PIK3C2G: variants seen among roughly 807,000 people sequenced by gnomAD.
PIK3C2G encodes the protein phosphatidylinositol 3-kinase C2 domain-containing subunit gamma.
PIK3C2G carries 168 observed loss-of-function variants against 181.1 expected under a neutral mutation model. The ratio of observed to expected loss-of-function variants is 0.93; its 90% CI spans 0.82 to 1.05. The LOEUF is 1.05. Among genes scored for constraint, PIK3C2G ranks in the 50% least tolerant of loss-of-function variants. The pLI is 0.00. For missense variants in PIK3C2G, 1,869 were observed against 1,732.8 expected (o/e 1.08, Z -1.40); for synonymous variants, 573 against 592.2 (o/e 0.97, Z 0.47).
chr12:18,513,619 T>G (rs1942349298), intron 24 of PIK3C2G, among the ~76,000 whole-genome samples: 1 of 151,832 alleles, frequency 6.6e-6, no homozygotes, highest in Non-Finnish European at 1.5e-5. Context: ...TCCTTTCTAT[T>G]ACAGTGGCAT....
At chr12:18,545,557 T>C (rs1183451877) in intron 25 of PIK3C2G, among the ~76,000 whole-genome samples, 1 of 151,852 alleles carries the variant, frequency 6.6e-6, no homozygotes, top group Non-Finnish European at 1.5e-5. Flanking sequence ...TCTATTATTT[T>C]CTTTAAAAAA....
intron 18 of PIK3C2G, among the ~76,000 whole-genome samples, chr12:18,484,206 A>G (rs1565436872): frequency 2.0e-5 from 3 of 152,186 alleles, no homozygotes; most frequent in Non-Finnish European, 2.9e-5. Flanking sequence ...TAGAGGTATA[A>G]TCTTCTACAA....
chr12:18,399,194 C>CAA lies in PIK3C2G; in HGVS notation c.2127-450_2127-449dup, dbSNP rs536592064. Among the ~76,000 whole-genome samples the CAA allele has an allele frequency of 5.6e-4, 45 of 80,442 alleles. 2 individuals carry two copies. Among genetic ancestry groups the CAA allele is most frequent in the East Asian group, 2.3e-3 (7 of 2,984 alleles). 52.8% of individuals were successfully genotyped at this position (80,442 alleles called of 152,430 possible). A position where few individuals can be genotyped will look rare whatever the true frequency, so the allele number is the denominator to read the frequency against. ...TGGGTGACAGAGCGAGACTCCGTCTCAAAAAAAAAAAAAAAATATGCCATT... is the reference window on the plus strand; with the variant it reads ...TGGGTGACAGAGCGAGACTCCGTCTCAAAAAAAAAAAAAAAAAATATGCCATT... On this transcript the variant is annotated intron_variant, in intron 15 of 32. Coordinates refer to ENST00000538779, the MANE Select transcript of PIK3C2G (RefSeq NM_001288772.2).
At chr12:18,568,984 C>T (rs944681342) in intron 29 of PIK3C2G, among the ~76,000 whole-genome samples, 7 of 152,060 alleles carry the variant, frequency 4.6e-5, no homozygotes, top group South Asian at 4.1e-4. Flanking sequence ...CATGTAACCA[C>T]GCAGTAGTTT....
intron 9 of PIK3C2G, among the ~76,000 whole-genome samples, chr12:18,341,015 C>T (rs961412812): frequency 1.3e-5 from 2 of 152,120 alleles, no homozygotes; most frequent in Non-Finnish European, 2.9e-5. Context: ...GTGTGGATGT[C>T]GACACGTCTT....
In PIK3C2G at chr12:18,497,723, A is replaced by C. The variant is rs776482676; in HGVS notation, c.2991A>C (p.Arg997Ser). 37 of 1,612,190 alleles carry C rather than the reference A, an allele frequency of 2.3e-5. No individual in the cohort carries two copies. The African/African-American group carries it at 4.5e-4, about 20-fold the overall frequency. ...EGLDMQMIIY[R>S]CLSTGKDQGL... ...TGGATATGCAAATGATCATTTATAGATGTCTATCCACAGGAAAAGACCAAG... is the reference window on the plus strand; with the variant it reads ...TGGATATGCAAATGATCATTTATAGCTGTCTATCCACAGGAAAAGACCAAG... The change falls in exon 22 of 33, where the codon AGA (arginine) becomes AGC (serine). Residue 997 changes from arginine to serine, a missense_variant. Transcript: ENST00000538779.
intron 24 of PIK3C2G, among the ~76,000 whole-genome samples, chr12:18,528,296 T>C (rs1193016482): frequency 6.6e-6 from 1 of 152,166 alleles, no homozygotes; most frequent in Non-Finnish European, 1.5e-5. Flanking sequence ...CATTCCCCAA[T>C]GTGCTTTGTA....
At chr12:18,394,232 C>A (rs1314865261) in intron 15 of PIK3C2G, among the ~76,000 whole-genome samples, 2 of 152,024 alleles carry the variant, frequency 1.3e-5, no homozygotes, top group East Asian at 3.8e-4. Context: ...GTAGACTCAA[C>A]CTAACAAATC....
intron 30 of PIK3C2G, among the ~76,000 whole-genome samples, chr12:18,603,102 C>G (rs1947821858): frequency 6.6e-6 from 1 of 152,044 alleles, no homozygotes; most frequent in Admixed American, 6.6e-5. Context: ...AAGGCAAAGG[C>G]CAATGCAAGA....
intron 18 of PIK3C2G, among the ~76,000 whole-genome samples, chr12:18,464,344 G>T (rs1475367223): frequency 1.3e-5 from 2 of 152,016 alleles, no homozygotes; most frequent in Non-Finnish European, 2.9e-5. Context: ...GAGGCCTCAT[G>T]ACCTAATCAC....
intron 30 of PIK3C2G, among the ~76,000 whole-genome samples, chr12:18,602,148 C>T (rs886328759): frequency 1.3e-5 from 2 of 152,138 alleles, no homozygotes; most frequent in Admixed American, 6.5e-5. Context: ...GGCAACTTTT[C>T]GAGCCTGACT....
At chr12:18,275,308 C>T (rs1278766745) in intron 1 of PIK3C2G, among the ~76,000 whole-genome samples, 1 of 152,122 alleles carries the variant, frequency 6.6e-6, no homozygotes, top group Non-Finnish European at 1.5e-5. Flanking sequence ...AACAAAGTGC[C>T]TTCTCATGTC....
intron 30 of PIK3C2G, among the ~76,000 whole-genome samples, chr12:18,606,419 T>G (rs1034091976): frequency 2.0e-5 from 3 of 152,148 alleles, no homozygotes; most frequent in Non-Finnish European, 1.5e-5. Flanking sequence ...TGCAATTTAC[T>G]TCAGTCTTAC....
chr12:18,444,078 C>T (rs568901883), intron 18 of PIK3C2G, among the ~76,000 whole-genome samples: 12 of 152,158 alleles, frequency 7.9e-5, no homozygotes, highest in Admixed American at 1.3e-4. Flanking sequence ...TATTCTATTA[C>T]AAAATAAATA....
At chr12:18,648,836 T>C (rs1251113977), downstream of PIK3C2G, among the ~76,000 whole-genome samples, 1 of 152,154 alleles carries the variant, frequency 6.6e-6, no homozygotes, top group Admixed American at 6.6e-5. Flanking sequence ...TAAAATTTAA[T>C]GCACTATGCC....
At chr12:18,366,107 A>G (rs1941624954) in intron 12 of PIK3C2G, among the ~76,000 whole-genome samples, 1 of 152,192 alleles carries the variant, frequency 6.6e-6, no homozygotes, top group Non-Finnish European at 1.5e-5. Context: ...GTCTCTTTAA[A>G]ATATCAGTCA....
At chr12:18,609,446 A>ATT (rs1225568319) in intron 30 of PIK3C2G, 89 bp from the exon 31 acceptor site, 6 of 693,454 alleles carry the variant, frequency 8.7e-6, no homozygotes, top group African/African-American at 1.8e-5. Context: ...CTTGTTATTT[A>ATT]TTGGTCCTGT....
At chr12:18,364,833 G>C (rs1941523426) in intron 12 of PIK3C2G, among the ~76,000 whole-genome samples, 1 of 152,098 alleles carries the variant, frequency 6.6e-6, no homozygotes, top group South Asian at 2.1e-4. Context: ...AGGAGACAGA[G>C]GTTGCAGTGA....
the PIK3C2G span, among the ~76,000 whole-genome samples, chr12:18,694,412 G>A: frequency 6.6e-6 from 1 of 152,132 alleles, no homozygotes; most frequent in Non-Finnish European, 1.5e-5. Flanking sequence ...AGATACTGGA[G>A]AAAGACATAT....
Sources: allele counts gnomAD v4.1 joint callset (sites outside exome capture counted in the v4.1 genomes callset), GRCh38; gene constraint gnomAD v4.1.1; transcripts MANE v1.5; gene names NCBI Gene and HGNC (gene_info 2026-07-23, HGNC 2026-07-21).